PHC3: variants seen among roughly 807,000 people sequenced by gnomAD.
PHC3 encodes the protein polyhomeotic-like protein 3.
Under a neutral mutation model 107.4 loss-of-function variants are expected in PHC3, and 13 were observed. The observed-to-expected ratio is 0.12, with a 90% CI of 0.08 to 0.19. The LOEUF (loss-of-function observed/expected upper bound fraction) is 0.19, where lower values mean the gene tolerates loss of function less well. Ranked by LOEUF, PHC3 falls within the 10% of genes least tolerant of loss-of-function variation. The pLI is 1.00. For synonymous variants in PHC3, 456 were observed against 427.4 expected (o/e 1.07, Z -0.83); for missense variants, 992 against 1,210.9 (o/e 0.82, Z 2.68).
chr3:170,165,702 C>G (rs1260244379), intron 4 of PHC3, among the ~76,000 whole-genome samples: 1 of 133,668 alleles, frequency 7.5e-6, no homozygotes, highest in Non-Finnish European at 1.5e-5. Flanking sequence ...TGCAGTGAGC[C>G]AAGATCATGC....
In PHC3 at chr3:170,129,167, GTGTGGCTGAATAAGTGCT is replaced by G; in HGVS notation, c.1287_1304del (p.Gln429_Pro434del). The G allele has an allele frequency of 6.2e-7, 1 of 1,613,776 alleles. No individual in the cohort carries two copies. Among genetic ancestry groups the G allele is most frequent in the East Asian group, 2.2e-5 (1 of 44,866 alleles). Reference sequence around the variant, plus strand: ...GCTGGAGAGCTGATGACACAAGAGGGTGTGGCTGAATAAGTGCTTGTGGATGAATAATTATAGTAGGAG... The same window carrying G: ...GCTGGAGAGCTGATGACACAAGAGGGTGTGGATGAATAATTATAGTAGGAG... On this transcript the variant is annotated inframe_deletion, in exon 8 of 15. Coordinates refer to ENST00000495893, the MANE Select transcript of PHC3 (RefSeq NM_024947.4).
intron 1 of PHC3, among the ~76,000 whole-genome samples, chr3:170,180,148 C>CAA (rs1220290778): frequency 1.2e-5 from 1 of 82,900 alleles, no homozygotes; most frequent in East Asian, 2.9e-4. Flanking sequence ...AAAAACCGAA[C>CAA]AAAAAAAAAA....
chr3:170,115,348 T>G (rs1478226221), intron 10 of PHC3, among the ~76,000 whole-genome samples: 1 of 151,950 alleles, frequency 6.6e-6, no homozygotes, highest in Non-Finnish European at 1.5e-5. Context: ...ATAATCTTGA[T>G]TATATGTATG....
intron 9 of PHC3, among the ~76,000 whole-genome samples, chr3:170,118,140 C>G (rs1560045608): frequency 6.6e-6 from 1 of 152,166 alleles, no homozygotes; most frequent in Non-Finnish European, 1.5e-5. Context: ...TATTAAATCC[C>G]CTATGTTCCT....
At chr3:170,132,499 G>A (rs1024435066) in intron 7 of PHC3, among the ~76,000 whole-genome samples, 2 of 152,160 alleles carry the variant, frequency 1.3e-5, no homozygotes, top group Non-Finnish European at 2.9e-5. Flanking sequence ...GGTTAAATGA[G>A]GTCATAGGGT....
chr3:170,179,086 CT>C, intron 1 of PHC3, 148 bp from the exon 2 acceptor site: 2 of 709,620 alleles, frequency 2.8e-6, no homozygotes, highest in African/African-American at 1.8e-5. Context: ...ACTATAAGCA[CT>C]TAGAAGGGAA....
At chr3:170,113,964 CA>C (rs1418959760) in intron 10 of PHC3, among the ~76,000 whole-genome samples, 1 of 152,012 alleles carries the variant, frequency 6.6e-6, no homozygotes, top group African/African-American at 2.4e-5. Context: ...CTCAATTAAG[CA>C]ATTCTCTCTC....
intron 2 of PHC3, among the ~76,000 whole-genome samples, chr3:170,176,651 A>G (rs1730536506): frequency 6.6e-6 from 1 of 152,250 alleles, no homozygotes; most frequent in Admixed American, 6.5e-5. Context: ...GGAGATAATA[A>G]TAATAGCTAC....
chr3:170,130,943 G>GA (rs201817410), intron 7 of PHC3, among the ~76,000 whole-genome samples: 1,855 of 151,816 alleles, frequency 0.012, 40 homozygotes, highest in African/African-American at 0.042. Flanking sequence ...AATATTAGGA[G>GA]AAAGACTATA....
rs1215232095 is a variant in PHC3, at chr3:170,090,681, G to A, written c.*6549C>T. ...CACAGCCTAGAATCATAGTTTTAGA[G>A]CTGGGAGGTACCTTAAAGATGAATT... On this transcript the variant is annotated 3_prime_UTR_variant, in exon 15 of 15. Transcript: ENST00000495893. 3 of 152,114 alleles carry A rather than the reference G, an allele frequency of 2.0e-5. No homozygotes were observed. The East Asian group carries it at 5.8e-4, about 29-fold the overall frequency. 9.4% of individuals were successfully genotyped at this position (152,114 alleles called of 1,614,324 possible).
chr3:170,136,413 T>A lies in PHC3; in HGVS notation c.919+6A>T, dbSNP rs560231096. On this transcript the variant is annotated splice_donor_region_variant and intron_variant, in intron 7 of 14. Transcript: ENST00000495893. ...ACAACTATTTTCAACAAAAGTTTTA[T>A]CCCACCTGGTGCTATTAACTGGTGA... The A allele has an allele frequency of 5.6e-5, 90 of 1,611,456 alleles. No homozygotes were observed. In the East Asian group the frequency reaches 2.0e-3, roughly 36 times the overall value.
At chr3:170,128,264 A>G (rs1721674555) in intron 8 of PHC3, 4 of 889,750 alleles carry the variant, frequency 4.5e-6, no homozygotes, top group Non-Finnish European at 5.8e-6. Context: ...GCATAAAACT[A>G]AAAGGGTTAG....
At chr3:170,139,644 G>A (rs937318765) in intron 6 of PHC3, among the ~76,000 whole-genome samples, 1 of 152,014 alleles carries the variant, frequency 6.6e-6, no homozygotes, top group Non-Finnish European at 1.5e-5. Flanking sequence ...ACACTATGTT[G>A]TATATATATT....
chr3:170,173,563 T>C (rs1729950624), intron 2 of PHC3, among the ~76,000 whole-genome samples: 1 of 152,188 alleles, frequency 6.6e-6, no homozygotes, highest in Non-Finnish European at 1.5e-5. Context: ...GCACTTAAAA[T>C]GTGGTTAGTG....
chr3:170,102,198 GAA>G, intron 14 of PHC3: 1 of 985,406 alleles, frequency 1.0e-6, no homozygotes, highest in Non-Finnish European at 1.2e-6. Flanking sequence ...AAATCAGACT[GAA>G]GAGAAGAAAG....
chr3:170,117,662 C>T (rs1185206022), intron 9 of PHC3, among the ~76,000 whole-genome samples, 186 bp from the exon 10 acceptor site: 1 of 152,030 alleles, frequency 6.6e-6, no homozygotes, highest in Non-Finnish European at 1.5e-5. Flanking sequence ...CTATTATTTC[C>T]ACTTTATAGA....
At chr3:170,125,966 A>G (rs1392979085) in intron 8 of PHC3, 5 of 979,334 alleles carry the variant, frequency 5.1e-6, no homozygotes, top group Non-Finnish European at 4.9e-6. Flanking sequence ...ACTTACCTCA[A>G]TAAAGTCCAA....
At chr3:170,134,147 TA>T (rs1253102265) in intron 7 of PHC3, among the ~76,000 whole-genome samples, 178 of 145,182 alleles carry the variant, frequency 1.2e-3, no homozygotes, top group African/African-American at 2.0e-3. Flanking sequence ...CACAGAGGTT[TA>T]AAAAAAAAAA....
At chr3:170,169,243 C>G (rs1729212513) in intron 4 of PHC3, among the ~76,000 whole-genome samples, 2 of 152,122 alleles carry the variant, frequency 1.3e-5, no homozygotes, top group Non-Finnish European at 1.5e-5. Flanking sequence ...TAGCTGGTTA[C>G]CTGACAGCTG....
Sources: allele counts gnomAD v4.1 joint callset (sites outside exome capture counted in the v4.1 genomes callset), GRCh38; gene constraint gnomAD v4.1.1; transcripts MANE v1.5; gene names NCBI Gene and HGNC (gene_info 2026-07-23, HGNC 2026-07-21).